NSRP1: variants seen among roughly 807,000 people sequenced by gnomAD.
NSRP1 encodes nuclear speckle splicing regulatory protein 1.
Under a neutral mutation model 54.7 loss-of-function variants are expected in NSRP1, and 24 were observed. That is an observed-to-expected ratio of 0.44 (90% CI 0.32 to 0.62). NSRP1 has a LOEUF of 0.62. NSRP1 is among the 20% of genes least tolerant of loss of function. NSRP1 has a pLI of 0.06. For missense variants in NSRP1, 596 were observed against 651.2 expected (o/e 0.92, Z 0.92); for synonymous variants, 210 against 213.8 (o/e 0.98, Z 0.15).
At chr17:30,151,433 G>C (rs1173968623) in intron 2 of NSRP1, among the ~76,000 whole-genome samples, 2 of 152,164 alleles carry the variant, frequency 1.3e-5, no homozygotes, top group African/African-American at 4.8e-5. Context: ...ATTATATACT[G>C]TATTCTTACA....
At chr17:30,124,065 A>C (rs1250087760) in intron 2 of NSRP1, among the ~76,000 whole-genome samples, 4 of 151,932 alleles carry the variant, frequency 2.6e-5, no homozygotes, top group Non-Finnish European at 4.4e-5. Flanking sequence ...GCTTGAGGCT[A>C]GGAGTTCAAG....
chr17:30,180,935 A>G lies in NSRP1; in HGVS notation c.536A>G (p.Asp179Gly). 6.2e-7 allele frequency: 1 copy of G among 1,613,372 alleles called. No homozygotes were observed. The highest frequency in any genetic ancestry group is 1.3e-5 in the African/African-American group (1 of 75,012). ...EACLDVTKQK[D>G]LSGFYRHLLN... is the part of the protein sequence containing the mutation. ...TGTTTGGATGTAACCAAGCAGAAAG[A>G]TCTCAGTGGATTTTATAGGCACCTA... Residue 179 changes from aspartate to glycine, a missense_variant, in exon 6 of 7, where the codon GAT (aspartate) becomes GGT (glycine). By Grantham distance (94) the Asp-to-Gly change is moderately conservative (BLOSUM62 -1). Coordinates refer to ENST00000247026, the MANE Select transcript of NSRP1 (RefSeq NM_032141.4).
intron 4 of NSRP1, 106 bp downstream of exon 4, chr17:30,178,305 A>G: frequency 8.5e-7 from 1 of 1,174,730 alleles, no homozygotes; most frequent in Non-Finnish European, 1.2e-6. Context: ...TAGGTATGTG[A>G]GGTGTGAAGA....
At chr17:30,169,063 A>G (rs1395075853) in intron 2 of NSRP1, 2 of 152,060 alleles carry the variant, frequency 1.3e-5, no homozygotes, top group Admixed American at 6.6e-5. Flanking sequence ...TTCAACGGTC[A>G]TACTTCATTC....
chr17:30,173,491 GAAATTAAACA>G (rs1225671827), intron 3 of NSRP1, among the ~76,000 whole-genome samples: 3 of 152,138 alleles, frequency 2.0e-5, no homozygotes, highest in Non-Finnish European at 2.9e-5. Flanking sequence ...AGAATGTAAT[GAAATTAAACA>G]ATAGCGAGGT....
intron 2 of NSRP1, among the ~76,000 whole-genome samples, chr17:30,159,366 G>C (rs1410081132): frequency 6.6e-6 from 1 of 151,994 alleles, no homozygotes; most frequent in East Asian, 1.9e-4. Context: ...TTTTGTGTGT[G>C]TGTGTAGTCG....
rs1368957698 is a variant in NSRP1, at chr17:30,186,349, G to A, written c.*675G>A. On this transcript the variant is annotated 3_prime_UTR_variant, in exon 7 of 7. Coordinates refer to ENST00000247026, the MANE Select transcript of NSRP1 (RefSeq NM_032141.4). ...TGTATTTCAGATAAAATATGGATTT[G>A]AAAAACAGAAAATATACTTTATGTT... 5 of 152,074 alleles carry A rather than the reference G, an allele frequency of 3.3e-5. No individual in the cohort carries two copies. Among genetic ancestry groups the A allele is most frequent in the Admixed American group, 3.3e-4 (5 of 15,278 alleles). 9.4% of individuals were successfully genotyped at this position (152,074 alleles called of 1,614,324 possible).
intron 1 of NSRP1, 98 bp from the exon 2 acceptor site, chr17:30,117,982 G>A: frequency 3.2e-6 from 3 of 952,328 alleles, no homozygotes; most frequent in Non-Finnish European, 3.3e-6. Context: ...CTTATGACAT[G>A]TTTTGATTTG....
At chr17:30,174,581 T>G (rs890201002) in intron 3 of NSRP1, among the ~76,000 whole-genome samples, 2 of 152,224 alleles carry the variant, frequency 1.3e-5, no homozygotes, top group African/African-American at 4.8e-5. Flanking sequence ...GGGAAAACTT[T>G]CAGTATGTCA....
In NSRP1 at chr17:30,178,202, T is replaced by G. The variant is rs561568441; in HGVS notation, c.300+3T>G. The stretch of plus-strand genomic sequence containing the variant: ...TGCTTTTGGGGAAAGACAGAAAGGT[T>G]TGTAAGCTGAAATAACAAACTTTCT... On this transcript the variant is annotated splice_donor_region_variant and intron_variant, in intron 4 of 6. Transcript: ENST00000247026. The G allele has an allele frequency of 1.9e-6, 3 of 1,590,160 alleles. No individual in the cohort carries two copies. Among genetic ancestry groups the G allele is most frequent in the Non-Finnish European group, 1.7e-6 (2 of 1,174,352 alleles).
chr17:30,174,742 G>T (rs887566321), intron 3 of NSRP1, among the ~76,000 whole-genome samples: 22 of 152,104 alleles, frequency 1.4e-4, no homozygotes. Flanking sequence ...GACCATGTTG[G>T]TTTTATACCA....
At chr17:30,126,175 C>T (rs991455815) in intron 2 of NSRP1, 3 of 152,176 alleles carry the variant, frequency 2.0e-5, no homozygotes, top group East Asian at 3.8e-4. Flanking sequence ...CAGTCCTGAA[C>T]GTAATTATAT....
chr17:30,176,128 T>C (rs1041993209), intron 3 of NSRP1, among the ~76,000 whole-genome samples: 10 of 152,198 alleles, frequency 6.6e-5, no homozygotes, highest in South Asian at 6.2e-4. Flanking sequence ...TTTTGTTTTG[T>C]TTTGTCTGTT....
intron 2 of NSRP1, among the ~76,000 whole-genome samples, chr17:30,132,836 C>A (rs1158408013): frequency 2.0e-5 from 3 of 152,240 alleles, no homozygotes. Context: ...CACAAGTGTT[C>A]TTAATGGCTT....
chr17:30,164,997 T>C (rs969432397), intron 2 of NSRP1, among the ~76,000 whole-genome samples: 2 of 152,218 alleles, frequency 1.3e-5, no homozygotes, highest in African/African-American at 4.8e-5. Flanking sequence ...TGTAAGCTAA[T>C]ATATTTTGTG....
rs1228016148 is a variant in NSRP1 at position 30,116,875 on chromosome 17, G to A, written c.20+12G>A. 1 of 1,571,232 alleles carries A rather than the reference G, an allele frequency of 6.4e-7. No individual in the cohort carries two copies. Among genetic ancestry groups the A allele is most frequent in the South Asian group, 1.2e-5 (1 of 85,530 alleles). On this transcript the variant is annotated intron_variant, in intron 1 of 6. Transcript: ENST00000247026. ...ATTCCGGGCAGGCAGTGAGTGATCC[G>A]GGAGTTAGGGTCAGGCTGGGGGATG...
chr17:30,135,498 G>A (rs2071742167), intron 2 of NSRP1, among the ~76,000 whole-genome samples: 1 of 151,318 alleles, frequency 6.6e-6, no homozygotes, highest in Admixed American at 6.6e-5. Flanking sequence ...TTTTCAGACG[G>A]AGTCTTACTC....
chr17:30,146,882 C>T (rs1304090454), intron 2 of NSRP1, among the ~76,000 whole-genome samples: 1 of 152,236 alleles, frequency 6.6e-6, no homozygotes, highest in African/African-American at 2.4e-5. Flanking sequence ...CAAGCCACCA[C>T]ACCTGAGCCT....
chr17:30,121,700 G>A (rs2071599138), intron 2 of NSRP1, among the ~76,000 whole-genome samples: 1 of 151,692 alleles, frequency 6.6e-6, no homozygotes, highest in African/African-American at 2.4e-5. Context: ...CTCCTGAGTA[G>A]CTGGGATTAC....
Sources: gnomAD v4.1 joint callset for allele counts (sites outside exome capture counted in the v4.1 genomes callset) on GRCh38, gnomAD v4.1.1 for gene constraint, MANE v1.5 for transcripts, NCBI Gene and HGNC (gene_info 2026-07-23, HGNC 2026-07-21) for gene names.